The following ANO5 variants were observed in gnomAD, a reference collection of about 807,000 sequenced individuals.
ANO5 encodes the protein anoctamin 5.
Under a neutral mutation model 121.0 loss-of-function variants are expected in ANO5, and 109 were observed. That is an observed-to-expected ratio of 0.90 (90% confidence interval 0.77 to 1.06). The LOEUF is 1.06. Among genes scored for constraint, ANO5 ranks in the 50% least tolerant of loss-of-function variants. The pLI, the probability that ANO5 is intolerant of heterozygous loss-of-function variation, is 0.00. For missense variants in ANO5, 1,064 were observed against 1,078.5 expected, an observed-to-expected ratio of 0.99 and a Z score of 0.19; for synonymous variants, 406 against 359.9, an observed-to-expected ratio of 1.13 and a Z score of -1.45.
intron 8 of ANO5, among the ~76,000 whole-genome samples, chr11:22,239,045 C>T (rs537386061): frequency 6.6e-6 from 1 of 152,244 alleles, no homozygotes; most frequent in Non-Finnish European, 1.5e-5. Flanking sequence ...AGAACTTATG[C>T]ATCAAGCAAT....
intron 1 of ANO5, among the ~76,000 whole-genome samples, chr11:22,199,220 T>A (rs1851893139): frequency 6.6e-6 from 1 of 152,134 alleles, no homozygotes; most frequent in Non-Finnish European, 1.5e-5. Context: ...TTTTGAAGCT[T>A]AACAGTAGAA....
At chr11:22,205,312 A>G (rs906022487) in intron 2 of ANO5, among the ~76,000 whole-genome samples, 1 of 152,104 alleles carries the variant, frequency 6.6e-6, no homozygotes, top group African/African-American at 2.4e-5. Context: ...AAGTTTATGT[A>G]TGCAACAAAC....
intron 7 of ANO5, among the ~76,000 whole-genome samples, chr11:22,232,102 T>A (rs1183528716): frequency 1.3e-5 from 2 of 152,062 alleles, no homozygotes; most frequent in Non-Finnish European, 2.9e-5. Context: ...TGTTTTTAAA[T>A]TTTATAAAAA....
intron 9 of ANO5, among the ~76,000 whole-genome samples, chr11:22,240,590 C>A (rs1853396714): frequency 6.6e-6 from 1 of 152,022 alleles, no homozygotes; most frequent in Non-Finnish European, 1.5e-5. Context: ...CATGCAAACT[C>A]TTTCTTGAAT....
At chr11:22,245,754 A>G (rs924458485) in intron 9 of ANO5, among the ~76,000 whole-genome samples, 21 of 152,194 alleles carry the variant, frequency 1.4e-4, no homozygotes, top group Non-Finnish European at 2.1e-4. Context: ...CACATTCTCA[A>G]TGTGTTGTCT....
intron 5 of ANO5, among the ~76,000 whole-genome samples, chr11:22,223,696 T>C (rs10766925): frequency 0.69 from 104,936 of 151,812 alleles, 37,818 homozygotes; most frequent in Non-Finnish European, 0.81. Flanking sequence ...ATTAACTCTT[T>C]TCTGTATACC....
chr11:22,228,581 C>A (rs1852926515), intron 7 of ANO5, among the ~76,000 whole-genome samples: 1 of 151,808 alleles, frequency 6.6e-6, no homozygotes, highest in Non-Finnish European at 1.5e-5. Context: ...AACACCAGAA[C>A]TTATTCATCT....
Position 22,272,926 on chromosome 11 carries a change from T to TCA in ANO5, c.2173_2174dup (p.Ser726IlefsTer3), listed in dbSNP as rs1406707186. On this transcript the variant is annotated frameshift_variant, in exon 19 of 22. Coordinates refer to ENST00000324559, the MANE Select transcript of ANO5 (RefSeq NM_213599.3). LOFTEE classifies it high-confidence loss of function. Reference sequence around the variant, plus strand: ...ACAGGAGAACTGTAGCTTCTAAAGCTCATAGCATAGGTGTTTGGCAAGACA... The same window carrying TCA: ...ACAGGAGAACTGTAGCTTCTAAAGCTCACATAGCATAGGTGTTTGGCAAGACA... 2 of 1,614,102 alleles carry TCA rather than the reference T, an allele frequency of 1.2e-6. No individual in the cohort carries two copies. The highest frequency in any genetic ancestry group is 1.7e-6 in the Non-Finnish European group (2 of 1,180,012).
chr11:22,225,143 CT>C (rs200429188), intron 5 of ANO5, among the ~76,000 whole-genome samples: 4 of 151,716 alleles, frequency 2.6e-5, no homozygotes, highest in East Asian at 3.9e-4. Flanking sequence ...AGAAAAAATG[CT>C]TTTTTTTGTC....
intron 9 of ANO5, among the ~76,000 whole-genome samples, chr11:22,246,463 C>A (rs1853618795): frequency 6.6e-6 from 1 of 151,838 alleles, no homozygotes; most frequent in Admixed American, 6.6e-5. Context: ...ATACTGAAGG[C>A]CTGTATTGGG....
rs917065228 is a variant in ANO5 at position 22,280,697 on chromosome 11, A to G, written c.*932A>G. The G allele has an allele frequency of 6.6e-6, 1 of 152,012 alleles. No homozygotes were observed. Among genetic ancestry groups the G allele is most frequent in the African/African-American group, 2.4e-5 (1 of 41,456 alleles). The allele number at this position is 152,012 out of a possible 1,614,324, so 9.4% of individuals were successfully genotyped here. On this transcript the variant is annotated 3_prime_UTR_variant, in exon 22 of 22. Transcript: ENST00000324559. ...AGCCTTTTTGTATAAGTTAGATACG[A>G]GTTGTTTATGATAAACATTTCTTTG...
intron 20 of ANO5, among the ~76,000 whole-genome samples, chr11:22,275,706 T>G (rs940652056): frequency 6.6e-6 from 1 of 151,858 alleles, no homozygotes; most frequent in African/African-American, 2.4e-5. Context: ...ATATTCTTAT[T>G]TTTGAAAGTC....
intron 2 of ANO5, among the ~76,000 whole-genome samples, chr11:22,206,374 T>C (rs960190530): frequency 1.3e-5 from 2 of 152,096 alleles, no homozygotes; most frequent in East Asian, 3.9e-4. Flanking sequence ...TGGAGTGCAG[T>C]GGCACGATCT....
intron 3 of ANO5, 76 bp from the exon 4 acceptor site, chr11:22,218,166 AGTTT>A: frequency 1.4e-6 from 2 of 1,417,430 alleles, no homozygotes; most frequent in Non-Finnish European, 2.0e-6. Context: ...ACCAAGGGTT[AGTTT>A]GTCTTTGTCT....
At chr11:22,265,114 T>G (rs1284852657) in intron 17 of ANO5, among the ~76,000 whole-genome samples, 1 of 152,090 alleles carries the variant, frequency 6.6e-6, no homozygotes, top group African/African-American at 2.4e-5. Context: ...GGAAACAAAT[T>G]CTGAGTATGA....
chr11:22,223,420 C>T (rs1325037909), intron 5 of ANO5, among the ~76,000 whole-genome samples: 2 of 151,996 alleles, frequency 1.3e-5, no homozygotes, highest in African/African-American at 4.8e-5. Context: ...TGGGCAAGCC[C>T]ATTAGAGTGC....
At chr11:22,228,570 G>A (rs750724296) in intron 7 of ANO5, among the ~76,000 whole-genome samples, 2 of 151,748 alleles carry the variant, frequency 1.3e-5, no homozygotes, top group Non-Finnish European at 2.9e-5. Context: ...CTATGCAATA[G>A]AACACCAGAA....
chr11:22,255,510 T>C lies in ANO5; in HGVS notation c.1320T>C (p.Asn440=). 1.9e-6 allele frequency: 3 copies of C among 1,613,172 alleles called. No homozygotes were observed. Among genetic ancestry groups the C allele is most frequent in the Non-Finnish European group, 2.5e-6 (3 of 1,179,334 alleles). Residue 440 remains asparagine (N), a synonymous_variant, in exon 13 of 22, where the codon AAT becomes AAC. Transcript: ENST00000324559. The part of the protein sequence containing the change: ...FEAMCKHRKL[N]AVTKEMEPYM... The stretch of plus-strand genomic sequence containing the variant: ...CTATGTGTAAACACAGGAAATTGAA[T>C]GCAGTGACTAAGGTAGACTAGAAAA...
At position 22,259,720 on chromosome 11, in the gene ANO5, T is replaced by A; in HGVS notation, c.1609T>A (p.Ser537Thr). 1 of 1,613,474 alleles carries A rather than the reference T, an allele frequency of 6.2e-7. No individual in the cohort carries two copies. Among genetic ancestry groups the A allele is most frequent in the Non-Finnish European group, 8.5e-7 (1 of 1,179,506 alleles). ...CTTGAATTTCTTTTATGAAAAGATA[T>A]CTGCCTGGATCACAAAAATGGGTAA... Reference protein sequence around the residue: ...LILNFFYEKISAWITKMEIPR... With the variant: ...LILNFFYEKITAWITKMEIPR... Residue 537 changes from serine (S) to threonine (T), a missense_variant, in exon 15 of 22, where the codon TCT (serine) becomes ACT (threonine). Ser to Thr is a moderately conservative substitution (Grantham distance 58). Transcript: ENST00000324559.
Sources: allele counts gnomAD v4.1 joint callset (sites outside exome capture counted in the v4.1 genomes callset), GRCh38; gene constraint gnomAD v4.1.1; transcripts MANE v1.5; gene names NCBI Gene and HGNC (gene_info 2026-07-23, HGNC 2026-07-21).